The following YTHDC1 variants were observed in gnomAD, a reference collection of about 807,000 sequenced individuals.
The protein encoded by YTHDC1 is YTH N6-methyladenosine RNA binding protein C1, also known as YTH domain-containing protein 1.
Under a neutral mutation model 107.0 loss-of-function variants are expected in YTHDC1, and 12 were observed. The ratio of observed to expected loss-of-function variants is 0.11; its 90% confidence interval spans 0.07 to 0.18. The LOEUF (loss-of-function observed/expected upper bound fraction) is 0.18, where lower values mean the gene tolerates loss of function less well. Among genes scored for constraint, YTHDC1 ranks in the 10% least tolerant of loss-of-function variants. The pLI, the probability that YTHDC1 is intolerant of heterozygous loss-of-function variation, is 1.00. For missense variants in YTHDC1, 635 were observed against 898.8 expected, an observed-to-expected ratio of 0.71 and a Z score of 3.75; for synonymous variants, 280 against 289.5, an observed-to-expected ratio of 0.97 and a Z score of 0.33.
chr4:68,335,028 T>A (rs1468464374), intron 4 of YTHDC1, among the ~76,000 whole-genome samples: 3 of 152,178 alleles, frequency 2.0e-5, no homozygotes, highest in South Asian at 2.1e-4. Flanking sequence ...TAACTCCCAA[T>A]GCTCTTAAGT....
Position 68,310,524 on chromosome 4 carries a change from T to TAG in YTHDC1, c.*3574_*3575insCT, listed in dbSNP as rs1416807949. 1.3e-5 allele frequency: 2 copies of TAG among 152,154 alleles called. No individual in the cohort carries two copies. The highest frequency in any genetic ancestry group is 2.9e-5 in the Non-Finnish European group (2 of 68,036). 9.4% of individuals were successfully genotyped at this position (152,154 alleles called of 1,614,324 possible). On this transcript the variant is annotated 3_prime_UTR_variant, in exon 17 of 17. Coordinates refer to ENST00000344157, the MANE Select transcript of YTHDC1 (RefSeq NM_001031732.4). ...CCACCCCAAAAAATTAGAGATTAAA[T>TAG]GATCTACATGATAGATAACAGAATA...
Position 68,348,883 on chromosome 4 carries a change from TTTAATCTAGACCAC to T in YTHDC1, c.28+829_28+842del, listed in dbSNP as rs1278745508. On this transcript the variant is annotated intron_variant, in intron 1 of 16. Transcript: ENST00000344157. Reference sequence around the variant, plus strand: ...GGTTGAAAAAGATCTTAAAGCAGCATTTAATCTAGACCACTCTCCAGAGAGACACTGATCTAGGA... The same window carrying T: ...GGTTGAAAAAGATCTTAAAGCAGCATTCTCCAGAGAGACACTGATCTAGGA... 2.0e-5 allele frequency among the ~76,000 whole-genome samples: 3 copies of T among 152,340 alleles called. No individual in the cohort carries two copies. In the East Asian group the frequency reaches 5.8e-4, roughly 29 times the overall value.
intron 15 of YTHDC1, among the ~76,000 whole-genome samples, chr4:68,316,707 G>A (rs1460427667): frequency 6.6e-6 from 1 of 152,160 alleles, no homozygotes; most frequent in Non-Finnish European, 1.5e-5. Flanking sequence ...TGCTTACTGT[G>A]AGCCAGGCAT....
At chr4:68,326,592 GCA>G (rs967939755) in intron 9 of YTHDC1, among the ~76,000 whole-genome samples, 3 of 152,056 alleles carry the variant, frequency 2.0e-5, no homozygotes, top group Middle Eastern at 3.2e-3. Context: ...GTAAAACTGT[GCA>G]CAGTTTTTTG....
In YTHDC1 at chr4:68,330,124, G is replaced by A. The variant is rs201117043; in HGVS notation, c.1232-5C>T. On this transcript the variant is annotated splice_polypyrimidine_tract_variant and splice_region_variant and intron_variant, in intron 8 of 16. Transcript: ENST00000344157. The stretch of plus-strand genomic sequence containing the variant: ...CTGAAGAAAGTCTTGCAAACCCTAA[G>A]AGAATCATATCATAATATAATATGT... The A allele has an allele frequency of 1.2e-6, 2 of 1,607,640 alleles. No individual in the cohort carries two copies. The highest frequency in any genetic ancestry group is 2.2e-5 in the East Asian group (1 of 44,768).
Position 68,322,549 on chromosome 4 carries a change from C to G in YTHDC1, c.1601+200G>C. The stretch of plus-strand genomic sequence containing the variant: ...TACTTTTTTCTGCATAAGGAAAGAT[C>G]CCCATTTTCCTCTTGAAAAATGACT... On this transcript the variant is annotated intron_variant, in intron 11 of 16. Transcript: ENST00000344157. This position sits in a 1 kb window ranked among gnomAD's most constrained non-coding sequence, Gnocchi z 4.8. 1 of 579,418 alleles carries G rather than the reference C, an allele frequency of 1.7e-6. No homozygotes were observed. Among genetic ancestry groups the G allele is most frequent in the Non-Finnish European group, 2.9e-6 (1 of 339,604 alleles). The allele number at this position is 579,418 out of a possible 1,614,324, so 35.9% of individuals were successfully genotyped here.
intron 1 of YTHDC1, among the ~76,000 whole-genome samples, chr4:68,342,487 C>T (rs563642432): frequency 6.6e-6 from 1 of 152,252 alleles, no homozygotes; most frequent in Admixed American, 6.5e-5. Flanking sequence ...ACAGAGGGGA[C>T]ACATATTCCA....
intron 7 of YTHDC1, among the ~76,000 whole-genome samples, chr4:68,330,859 T>C (rs1723504646): frequency 6.6e-6 from 1 of 152,170 alleles, no homozygotes; most frequent in South Asian, 2.1e-4. Flanking sequence ...TTTGTTAATT[T>C]CTAAAGCATT....
At chr4:68,317,094 T>C (rs532070068) in intron 15 of YTHDC1, among the ~76,000 whole-genome samples, 1 of 152,226 alleles carries the variant, frequency 6.6e-6, no homozygotes, top group African/African-American at 2.4e-5. Flanking sequence ...CACAGTGGCA[T>C]GTGCCTGTAG....
At chr4:68,348,208 A>G (rs1409532898) in intron 1 of YTHDC1, among the ~76,000 whole-genome samples, 9 of 152,198 alleles carry the variant, frequency 5.9e-5, no homozygotes, top group Non-Finnish European at 1.2e-4. Context: ...CTACTCTATT[A>G]ACGACTTGTA....
chr4:68,331,521 T>C (rs890662802), intron 7 of YTHDC1, among the ~76,000 whole-genome samples: 1 of 152,128 alleles, frequency 6.6e-6, no homozygotes, highest in Non-Finnish European at 1.5e-5. Flanking sequence ...CTGTAACAGC[T>C]AGTGTAACAC....
intron 15 of YTHDC1, among the ~76,000 whole-genome samples, chr4:68,317,997 C>T (rs989262981): frequency 1.3e-5 from 2 of 152,148 alleles, no homozygotes; most frequent in African/African-American, 4.8e-5. Flanking sequence ...TAATTACTAC[C>T]ATAATACACT....
In YTHDC1 at chr4:68,338,303, T is replaced by C; in HGVS notation, c.110A>G (p.Gln37Arg). The C allele has an allele frequency of 6.2e-7, 1 of 1,608,588 alleles. No homozygotes were observed. Among genetic ancestry groups the C allele is most frequent in the Non-Finnish European group, 8.5e-7 (1 of 1,177,560 alleles). The change falls in exon 2 of 17, where the codon CAA becomes CGA. Residue 37 changes from glutamine to arginine, a missense_variant. Coordinates refer to ENST00000344157, the MANE Select transcript of YTHDC1 (RefSeq NM_001031732.4). Reference protein sequence around the residue: ...DDELYNPESEQDKNEKKGSKR... With the variant: ...DDELYNPESERDKNEKKGSKR... ...CATACCCTTTTTCTCATTTTTATCTTGTTCACTCTCTGGATTATACAGTTC... is the reference window on the plus strand; with the variant it reads ...CATACCCTTTTTCTCATTTTTATCTCGTTCACTCTCTGGATTATACAGTTC...
intron 9 of YTHDC1, among the ~76,000 whole-genome samples, chr4:68,326,941 A>C (rs1266014088): frequency 6.6e-6 from 1 of 151,602 alleles, no homozygotes; most frequent in African/African-American, 2.4e-5. Flanking sequence ...AAAGTTAAAA[A>C]GAAAAATGGA....
chr4:68,336,956 T>G, intron 4 of YTHDC1, 71 bp downstream of exon 4: 1 of 1,509,810 alleles, frequency 6.6e-7, no homozygotes, highest in Non-Finnish European at 8.8e-7. Flanking sequence ...AATTTTATAA[T>G]TTAAACATTT....
intron 1 of YTHDC1, among the ~76,000 whole-genome samples, chr4:68,339,574 G>A (rs1724588068): frequency 6.6e-6 from 1 of 150,740 alleles, no homozygotes; most frequent in South Asian, 2.1e-4. Flanking sequence ...ACTTACAAAT[G>A]GTTCAGGAAA....
intron 1 of YTHDC1, among the ~76,000 whole-genome samples, chr4:68,342,930 C>G (rs1725007743): frequency 6.6e-6 from 1 of 152,008 alleles, no homozygotes; most frequent in South Asian, 2.1e-4. Flanking sequence ...CGTTTTTAAC[C>G]ATTTCCTTTG....
intron 16 of YTHDC1, 43 bp from the exon 17 acceptor site, chr4:68,314,366 A>G (rs1343487944): frequency 6.3e-7 from 1 of 1,599,232 alleles, no homozygotes; most frequent in Non-Finnish European, 8.5e-7. Flanking sequence ...AAAAAGGCAA[A>G]TAGTGTTAAG....
intron 1 of YTHDC1, among the ~76,000 whole-genome samples, chr4:68,339,468 AAT>A (rs1425354749): frequency 6.6e-6 from 1 of 152,208 alleles, no homozygotes; most frequent in Non-Finnish European, 1.5e-5. Flanking sequence ...AGTAAGTAGC[AAT>A]GTTATTTTTC....
Sources: allele counts gnomAD v4.1 joint callset (sites outside exome capture counted in the v4.1 genomes callset), GRCh38; gene constraint gnomAD v4.1.1; non-coding constraint Gnocchi (gnomAD v3.1); transcripts MANE v1.5; gene names NCBI Gene and HGNC (gene_info 2026-07-23, HGNC 2026-07-21).